The following CLVS2 variants were observed in gnomAD, a reference collection of about 807,000 sequenced individuals.
The protein encoded by CLVS2 is clavesin-2.
Under a neutral mutation model 29.0 loss-of-function variants are expected in CLVS2, and 19 were observed. The ratio of observed to expected loss-of-function variants is 0.66; its 90% CI spans 0.46 to 0.96. The LOEUF (loss-of-function observed/expected upper bound fraction) is 0.96. Among genes scored for constraint, CLVS2 ranks in the 40% least tolerant of loss-of-function variants. The probability of loss-of-function intolerance (pLI) is 0.00; values close to 1 mark genes in which losing one functional copy is unlikely to be tolerated. For missense variants in CLVS2, 294 were observed against 404.1 expected (o/e 0.73, Z 2.34); for synonymous variants, 161 against 151.3 (o/e 1.06, Z -0.47).
chr6:123,020,698 T>C (rs1415229192), intron 3 of CLVS2, among the ~76,000 whole-genome samples: 3 of 152,076 alleles, frequency 2.0e-5, no homozygotes, highest in African/African-American at 7.2e-5. Context: ...TTTAGCCACA[T>C]ACTGAAAACA....
chr6:123,045,912 G>A (rs1582660609), intron 3 of CLVS2, among the ~76,000 whole-genome samples: 1 of 152,096 alleles, frequency 6.6e-6, no homozygotes, highest in South Asian at 2.1e-4. Flanking sequence ...AATCTTAAGG[G>A]ATTAGTAAAA....
chr6:123,051,664 T>C (rs1362736824), intron 4 of CLVS2, among the ~76,000 whole-genome samples: 3 of 152,216 alleles, frequency 2.0e-5, no homozygotes, highest in African/African-American at 7.2e-5. Context: ...TTGTTGATTC[T>C]CAAAAGACTT....
chr6:123,046,395 C>G (rs888473838), intron 3 of CLVS2, among the ~76,000 whole-genome samples: 2 of 152,096 alleles, frequency 1.3e-5, no homozygotes, highest in African/African-American at 4.8e-5. Flanking sequence ...TGCAGTAGCT[C>G]ACGCCTGTAA....
At chr6:123,013,489 C>A (rs1774781503) in intron 3 of CLVS2, among the ~76,000 whole-genome samples, 1 of 151,668 alleles carries the variant, frequency 6.6e-6, no homozygotes, top group African/African-American at 2.4e-5. Flanking sequence ...GGGATTGAAC[C>A]AAAAATAAGA....
chr6:123,045,695 C>G (rs1404034955), intron 3 of CLVS2, among the ~76,000 whole-genome samples: 1 of 152,074 alleles, frequency 6.6e-6, no homozygotes, highest in Non-Finnish European at 1.5e-5. Flanking sequence ...GGCCAGGCAC[C>G]AATAGACCTA....
Position 123,071,367 on chromosome 6 carries a change from A to G in CLVS2, c.*7606A>G, listed in dbSNP as rs901486224. On this transcript the variant is annotated 3_prime_UTR_variant, in exon 6 of 6. Transcript: ENST00000275162. ...CAAAAATGATATCCTCTTCTCCCCA[A>G]TTGTGATCTCTATCCCTGAGCCTAA... The G allele has an allele frequency of 3.3e-5, 5 of 151,974 alleles. No individual in the cohort carries two copies. Among genetic ancestry groups the G allele is most frequent in the South Asian group, 2.1e-4 (1 of 4,828 alleles). The allele number at this position is 151,974 out of a possible 1,614,324, so 9.4% of individuals were successfully genotyped here. A position where few individuals can be genotyped will look rare whatever the true frequency, so the allele number is the denominator to read the frequency against.
chr6:123,011,365 C>T (rs1774745781), intron 3 of CLVS2, among the ~76,000 whole-genome samples: 2 of 151,968 alleles, frequency 1.3e-5, no homozygotes, highest in South Asian at 2.1e-4. Flanking sequence ...TAGTACAGTG[C>T]TCCCTGTCTA....
At chr6:123,029,157 C>T (rs943892970) in intron 3 of CLVS2, among the ~76,000 whole-genome samples, 31 of 152,280 alleles carry the variant, frequency 2.0e-4, no homozygotes, top group Non-Finnish European at 3.5e-4. Context: ...GTTGTTTAAA[C>T]GACCCAGACT....
chr6:122,998,226 C>A (rs548754157), intron 2 of CLVS2, 60 bp downstream of exon 2: 1 of 1,517,992 alleles, frequency 6.6e-7, no homozygotes, highest in East Asian at 2.3e-5. Flanking sequence ...AGAATTTACC[C>A]CGAGTAGTGT....
intron 3 of CLVS2, among the ~76,000 whole-genome samples, chr6:123,036,098 C>T (rs1313185676): frequency 1.3e-5 from 2 of 152,112 alleles, no homozygotes; most frequent in Admixed American, 6.6e-5. Context: ...GGAATGGAAG[C>T]ATTGAATGCA....
chr6:123,043,799 A>C (rs1775268594), intron 3 of CLVS2, among the ~76,000 whole-genome samples: 1 of 152,212 alleles, frequency 6.6e-6, no homozygotes, highest in African/African-American at 2.4e-5. Context: ...TACTTGTAAT[A>C]GTATTTATCC....
intron 3 of CLVS2, among the ~76,000 whole-genome samples, chr6:123,012,041 A>G (rs975449245): frequency 6.6e-6 from 1 of 151,998 alleles, no homozygotes; most frequent in Non-Finnish European, 1.5e-5. Context: ...AAAGTGGGCA[A>G]CTTTTCCAGG....
intron 5 of CLVS2, among the ~76,000 whole-genome samples, chr6:123,063,140 T>G (rs1441642871): frequency 6.6e-6 from 1 of 152,212 alleles, no homozygotes; most frequent in Non-Finnish European, 1.5e-5. Context: ...CTAGGACATT[T>G]AACAGAAACA....
chr6:123,012,322 C>G (rs1774760296), intron 3 of CLVS2, among the ~76,000 whole-genome samples: 1 of 151,882 alleles, frequency 6.6e-6, no homozygotes, highest in African/African-American at 2.4e-5. Flanking sequence ...ATATGGTGTT[C>G]TTCAGTTTGT....
intron 3 of CLVS2, among the ~76,000 whole-genome samples, chr6:123,014,507 G>A (rs1774798110): frequency 6.6e-6 from 1 of 152,024 alleles, no homozygotes; most frequent in Admixed American, 6.6e-5. Flanking sequence ...AGACAGAACA[G>A]GATTTGGATG....
At chr6:123,007,586 G>C (rs998039196) in intron 2 of CLVS2, among the ~76,000 whole-genome samples, 1 of 152,164 alleles carries the variant, frequency 6.6e-6, no homozygotes, top group Non-Finnish European at 1.5e-5. Context: ...AGTTGCTATG[G>C]GTATTAAAGT....
At chr6:123,021,842 G>A (rs760408825) in intron 3 of CLVS2, among the ~76,000 whole-genome samples, 1 of 151,982 alleles carries the variant, frequency 6.6e-6, no homozygotes, top group African/African-American at 2.4e-5. Flanking sequence ...GTGAGGATGA[G>A]GCCATATTTT....
intron 2 of CLVS2, among the ~76,000 whole-genome samples, chr6:123,006,086 A>G (rs2114301774): frequency 6.6e-6 from 1 of 152,310 alleles, no homozygotes; most frequent in South Asian, 2.1e-4. Flanking sequence ...GAAGCACTAT[A>G]ATTTCAGAAT....
chr6:122,999,030 G>A (rs1774551724), intron 2 of CLVS2, among the ~76,000 whole-genome samples: 1 of 152,196 alleles, frequency 6.6e-6, no homozygotes, highest in African/African-American at 2.4e-5. Context: ...CAGACTGAAA[G>A]ATATAAGAAA....
Sources: gnomAD v4.1 joint callset for allele counts (sites outside exome capture counted in the v4.1 genomes callset) on GRCh38, gnomAD v4.1.1 for gene constraint, MANE v1.5 for transcripts, NCBI Gene and HGNC (gene_info 2026-07-23, HGNC 2026-07-21) for gene names.